Variants in RP1 observed in about 807,000 individuals in gnomAD.
RP1 encodes the protein oxygen-regulated protein 1.
In RP1, 16 loss-of-function variants were observed where a neutral mutation model predicts 14.8. The observed-to-expected ratio is 1.08, with a 90% CI of 0.73 to 1.65. The LOEUF is 1.65. Ranked by LOEUF, RP1 falls within the 40% of genes most tolerant of loss-of-function variation. RP1 has a pLI of 0.00. For synonymous variants in RP1, 876 were observed against 883.6 expected, an observed-to-expected ratio of 0.99 and a Z score of 0.15; for missense variants, 2,631 against 2,535.0, an observed-to-expected ratio of 1.04 and a Z score of -0.81.
chr8:54,607,940 G>C (rs1222177075), intron 1 of RP1, among the ~76,000 whole-genome samples: 3 of 152,116 alleles, frequency 2.0e-5, no homozygotes, highest in Non-Finnish European at 4.4e-5. Flanking sequence ...GGTGCTGTCT[G>C]TCACCTCTTT....
intron 27 of RP1, among the ~76,000 whole-genome samples, chr8:54,857,645 C>CA (rs1398038309): frequency 6.6e-6 from 1 of 152,076 alleles, no homozygotes; most frequent in Non-Finnish European, 1.5e-5. Context: ...TGTGTGCATG[C>CA]ATGTGTGCAT....
chr8:54,661,547 A>T (rs1215965504), intron 6 of RP1, among the ~76,000 whole-genome samples: 3 of 151,978 alleles, frequency 2.0e-5, no homozygotes, highest in Non-Finnish European at 4.4e-5. Context: ...AAAGTAAATA[A>T]AACTTCCCTC....
At chr8:54,602,305 C>T (rs149302246) in intron 1 of RP1, among the ~76,000 whole-genome samples, 2,452 of 152,080 alleles carry the variant, frequency 0.016, 74 homozygotes, top group African/African-American at 0.056. Context: ...TTTGTCCTTG[C>T]GACAGTTTGC....
intron 12 of RP1, chr8:54,699,374 T>C: frequency 2.1e-6 from 1 of 469,570 alleles, no homozygotes; most frequent in South Asian, 8.0e-5. Flanking sequence ...TTGAGAAGTT[T>C]AAAATATATT....
At chr8:54,636,115 A>G (rs1484181807) in intron 3 of RP1, among the ~76,000 whole-genome samples, 1 of 152,166 alleles carries the variant, frequency 6.6e-6, no homozygotes, top group Non-Finnish European at 1.5e-5. Context: ...ATTGTGTCTC[A>G]TTTGGCATAG....
Position 54,625,366 on chromosome 8 carries a change from A to T in RP1, c.1484A>T (p.Lys495Met). ...YSEERESGEN[K>M]SEYHMFTHSC... ...GAAGAAAGGGAAAGTGGGGAAAACA[A>T]GTCTGAGTATCACATGTTTACACAT... is the stretch of plus-strand genomic sequence containing the variant. The change falls in exon 4 of 4, where the codon AAG (lysine) becomes ATG (methionine). Residue 495 changes from lysine to methionine, a missense_variant. By Grantham distance (95) the Lys-to-Met change is moderately conservative. Coordinates refer to ENST00000220676, the MANE Select transcript of RP1 (RefSeq NM_006269.2). 1 of 1,614,132 alleles carries T rather than the reference A, an allele frequency of 6.2e-7. No individual in the cohort carries two copies. Among genetic ancestry groups the T allele is most frequent in the African/African-American group, 1.3e-5 (1 of 75,062 alleles).
At chr8:54,570,815 G>A (rs1804503698) in intron 1 of RP1, among the ~76,000 whole-genome samples, 1 of 152,144 alleles carries the variant, frequency 6.6e-6, no homozygotes, top group African/African-American at 2.4e-5. Context: ...CCATTTTTAA[G>A]TAGAAAACAG....
In RP1 at chr8:54,565,588, C is replaced by T. The variant is rs554869973; in HGVS notation, c.-13+6268C>T. ...AGATCCACCCAGACACCAGGATTGC[C>T]TCACCCTGCCATAGAGGGGCATGAT... On this transcript the variant is annotated intron_variant, in intron 1 of 22. Transcript: ENST00000636932. 3.9e-5 allele frequency among the ~76,000 whole-genome samples: 6 copies of T among 152,184 alleles called. No individual in the cohort carries two copies. In the South Asian group the frequency reaches 8.3e-4, roughly 21 times the overall value.
intron 24 of RP1, among the ~76,000 whole-genome samples, chr8:54,816,960 T>C (rs1218874818): frequency 6.6e-6 from 1 of 152,182 alleles, no homozygotes; most frequent in South Asian, 2.1e-4. Flanking sequence ...TCTCCTGATA[T>C]CCACCAGCTT....
intron 1 of RP1, among the ~76,000 whole-genome samples, chr8:54,590,374 C>G (rs1805019192): frequency 6.6e-6 from 1 of 152,212 alleles, no homozygotes; most frequent in South Asian, 2.1e-4. Flanking sequence ...TGTCTTCTAC[C>G]ACTCCACTAC....
chr8:54,616,280 C>T (rs1312024222), intron 1 of RP1, 78 bp downstream of exon 1: 1 of 152,072 alleles, frequency 6.6e-6, no homozygotes, highest in Non-Finnish European at 1.5e-5. Context: ...CCATGTTATA[C>T]TTAGATTATA....
At chr8:54,586,796 G>T (rs557787771) in intron 1 of RP1, among the ~76,000 whole-genome samples, 35 of 152,350 alleles carry the variant, frequency 2.3e-4, no homozygotes, top group African/African-American at 7.2e-4. Context: ...CTCCAAGCCA[G>T]GTGCGGGATA....
intron 19 of RP1, among the ~76,000 whole-genome samples, chr8:54,740,928 C>T (rs556344239): frequency 2.6e-5 from 4 of 151,146 alleles, no homozygotes; most frequent in African/African-American, 7.3e-5. Context: ...CCCAGCTAGT[C>T]GGGAGGCTGA....
At chr8:54,619,027 G>A (rs1433131835) in intron 1 of RP1, among the ~76,000 whole-genome samples, 1 of 152,232 alleles carries the variant, frequency 6.6e-6, no homozygotes, top group Non-Finnish European at 1.5e-5. Flanking sequence ...TGGCGATTAA[G>A]CAGCTTGCTC....
At chr8:54,574,030 A>G (rs1417442564) in intron 1 of RP1, among the ~76,000 whole-genome samples, 1 of 152,214 alleles carries the variant, frequency 6.6e-6, no homozygotes, top group Non-Finnish European at 1.5e-5. Flanking sequence ...AGGTGCGAGA[A>G]TAAGACGAAC....
chr8:54,770,633 G>A (rs1237112447), downstream of RP1, among the ~76,000 whole-genome samples: 1 of 148,628 alleles, frequency 6.7e-6, no homozygotes, highest in East Asian at 2.0e-4. Flanking sequence ...CTAAAACCAT[G>A]ATTTCATGTC....
chr8:54,642,711 A>G (rs1806474555), intron 3 of RP1, among the ~76,000 whole-genome samples: 1 of 152,172 alleles, frequency 6.6e-6, no homozygotes, highest in African/African-American at 2.4e-5. Flanking sequence ...CGTTCTGAGT[A>G]TATTTGTATA....
chr8:54,580,658 G>T (rs577371635), intron 1 of RP1, among the ~76,000 whole-genome samples: 10 of 145,538 alleles, frequency 6.9e-5, no homozygotes, highest in African/African-American at 1.0e-4. Context: ...TTGCTATGTC[G>T]CCCAGGCTGG....
chr8:54,625,117 T>A lies in RP1; in HGVS notation c.1235T>A (p.Met412Lys), dbSNP rs770912667. The A allele has an allele frequency of 6.2e-7, 1 of 1,614,038 alleles. No individual in the cohort carries two copies. Among genetic ancestry groups the A allele is most frequent in the Non-Finnish European group, 8.5e-7 (1 of 1,180,044 alleles). ...GSLAEEINIQMTDQVAETCSS... is the reference protein window; with the variant it reads ...GSLAEEINIQKTDQVAETCSS... ...TTGGCAGAGGAGATAAACATTCAAATGACAGATCAAGTGGCTGAAACTTGC... is the reference window on the plus strand; with the variant it reads ...TTGGCAGAGGAGATAAACATTCAAAAGACAGATCAAGTGGCTGAAACTTGC... Residue 412 changes from methionine (M) to lysine (K), a missense_variant, in exon 4 of 4, where the codon ATG becomes AAG. Coordinates refer to ENST00000220676, the MANE Select transcript of RP1 (RefSeq NM_006269.2).
Sources: allele counts gnomAD v4.1 joint callset (sites outside exome capture counted in the v4.1 genomes callset), GRCh38; gene constraint gnomAD v4.1.1; transcripts MANE v1.5; gene names NCBI Gene and HGNC (gene_info 2026-07-23, HGNC 2026-07-21).